The following CFAP299 variants were observed in gnomAD, a reference collection of about 807,000 sequenced individuals.
CFAP299 encodes the protein cilia- and flagella-associated protein 299.
A neutral mutation model predicts 27.0 loss-of-function variants in CFAP299; 21 were observed. That is an observed-to-expected ratio of 0.78 (90% CI 0.55 to 1.12). The LOEUF (loss-of-function observed/expected upper bound fraction) is 1.12, where lower values mean the gene tolerates loss of function less well. Among genes scored for constraint, CFAP299 ranks in the 50% most tolerant of loss-of-function variants. The pLI is 0.00. For synonymous variants in CFAP299, 104 were observed against 98.1 expected (o/e 1.06, Z -0.36); for missense variants, 310 against 276.6 (o/e 1.12, Z -0.86).
At chr4:80,888,064 G>A (rs1734059755) in intron 4 of CFAP299, among the ~76,000 whole-genome samples, 1 of 151,880 alleles carries the variant, frequency 6.6e-6, no homozygotes, top group African/African-American at 2.4e-5. Flanking sequence ...AGGAAGCAAG[G>A]AAAGAAGAAA....
At chr4:80,681,559 C>T (rs1285974665) in intron 3 of CFAP299, among the ~76,000 whole-genome samples, 2 of 152,126 alleles carry the variant, frequency 1.3e-5, no homozygotes, top group Non-Finnish European at 2.9e-5. Context: ...CCAGAATTAG[C>T]TACCCACTTC....
intron 4 of CFAP299, among the ~76,000 whole-genome samples, chr4:80,900,795 A>G (rs947619921): frequency 1.3e-5 from 2 of 151,992 alleles, no homozygotes; most frequent in Admixed American, 1.3e-4. Context: ...TTTGAAATCA[A>G]TCAAAATTTT....
intron 3 of CFAP299, among the ~76,000 whole-genome samples, chr4:80,746,667 G>A (rs564527881): frequency 1.3e-5 from 2 of 152,056 alleles, no homozygotes; most frequent in Admixed American, 6.6e-5. Context: ...AGCAACTGAC[G>A]ATAAAAATGG....
chr4:80,668,104 G>T (rs1458147387), intron 3 of CFAP299, among the ~76,000 whole-genome samples: 2 of 151,318 alleles, frequency 1.3e-5, no homozygotes, highest in South Asian at 2.1e-4. Context: ...TTGGCCCTCT[G>T]TATTTCGTCT....
intron 3 of CFAP299, among the ~76,000 whole-genome samples, chr4:80,630,941 C>T (rs1306251740): frequency 6.6e-6 from 1 of 151,946 alleles, no homozygotes; most frequent in Non-Finnish European, 1.5e-5. Context: ...CACCAATTTC[C>T]ACTAATGACA....
chr4:80,480,941 T>A (rs953948739), intron 2 of CFAP299, among the ~76,000 whole-genome samples: 2 of 152,016 alleles, frequency 1.3e-5, no homozygotes, highest in African/African-American at 4.8e-5. Flanking sequence ...GTAACTAATA[T>A]CCAAAAAGGT....
At position 80,801,575 on chromosome 4, in the gene CFAP299, T is replaced by A. The variant is rs185678612; in HGVS notation, c.334-68418T>A. Reference sequence around the variant, plus strand: ...AAAGTATTTGATCAAATCAGTTTTATGAATTATTAAATCAGAATATTCTGC... The same window carrying A: ...AAAGTATTTGATCAAATCAGTTTTAAGAATTATTAAATCAGAATATTCTGC... On this transcript the variant is annotated intron_variant, in intron 3 of 5. Coordinates refer to ENST00000358105, the MANE Select transcript of CFAP299 (RefSeq NM_152770.3). Among the ~76,000 whole-genome samples, 382 of 151,596 alleles carry A rather than the reference T, an allele frequency of 2.5e-3. 1 individual carries two copies. Among genetic ancestry groups the A allele is most frequent in the African/African-American group, 8.8e-3 (361 of 41,134 alleles).
chr4:80,413,229 A>T (rs1726818722), intron 2 of CFAP299, among the ~76,000 whole-genome samples: 1 of 152,056 alleles, frequency 6.6e-6, no homozygotes, highest in Non-Finnish European at 1.5e-5. Flanking sequence ...GTAGAGCCAG[A>T]CGTTGCTGTC....
chr4:80,693,951 A>T (rs889628358), intron 3 of CFAP299, among the ~76,000 whole-genome samples: 1 of 152,172 alleles, frequency 6.6e-6, no homozygotes, highest in Non-Finnish European at 1.5e-5. Context: ...GACTTTCATA[A>T]AAAGCCAAAT....
chr4:80,646,809 A>G (rs1740031724), intron 3 of CFAP299, among the ~76,000 whole-genome samples: 1 of 152,114 alleles, frequency 6.6e-6, no homozygotes, highest in Non-Finnish European at 1.5e-5. Flanking sequence ...CTAAAGATAA[A>G]CCATATTTAG....
intron 5 of CFAP299, among the ~76,000 whole-genome samples, chr4:80,960,768 A>G (rs1368815010): frequency 6.6e-6 from 1 of 151,892 alleles, no homozygotes; most frequent in Non-Finnish European, 1.5e-5. Flanking sequence ...CTGATAATTA[A>G]GAATTGCCAA....
intron 3 of CFAP299, among the ~76,000 whole-genome samples, chr4:80,852,157 C>G (rs1438207737): frequency 6.6e-6 from 1 of 152,126 alleles, no homozygotes; most frequent in Non-Finnish European, 1.5e-5. Context: ...TCTCTTTATT[C>G]TTTCTTGCCC....
intron 2 of CFAP299, among the ~76,000 whole-genome samples, chr4:80,416,171 G>T (rs558663108): frequency 6.6e-6 from 1 of 152,292 alleles, no homozygotes; most frequent in Admixed American, 6.5e-5. Context: ...TGGAAATCTG[G>T]CACTGGGGTT....
chr4:80,398,553 G>C (rs1370132809), intron 2 of CFAP299, among the ~76,000 whole-genome samples: 2 of 152,146 alleles, frequency 1.3e-5, no homozygotes, highest in Admixed American at 1.3e-4. Flanking sequence ...ACAACCATCT[G>C]ATCTTTGACA....
intron 2 of CFAP299, among the ~76,000 whole-genome samples, chr4:80,490,208 A>T (rs1394089983): frequency 1.3e-5 from 2 of 152,138 alleles, no homozygotes; most frequent in Admixed American, 1.3e-4. Context: ...ACCAATTCTC[A>T]AGTGGTTTTT....
At chr4:80,525,003 C>T (rs1255256421) in intron 2 of CFAP299, among the ~76,000 whole-genome samples, 1 of 152,090 alleles carries the variant, frequency 6.6e-6, no homozygotes, top group Non-Finnish European at 1.5e-5. Flanking sequence ...TGGCTTTTTG[C>T]TGGCTGTTAG....
At chr4:80,459,910 C>T (rs1729354115) in intron 2 of CFAP299, among the ~76,000 whole-genome samples, 1 of 151,958 alleles carries the variant, frequency 6.6e-6, no homozygotes, top group Non-Finnish European at 1.5e-5. Context: ...AATCAGCTGA[C>T]AAAAGGCAGG....
chr4:80,572,153 G>A (rs1039137646), intron 2 of CFAP299, among the ~76,000 whole-genome samples: 3 of 152,038 alleles, frequency 2.0e-5, no homozygotes, highest in African/African-American at 7.2e-5. Flanking sequence ...ATCACCTCAA[G>A]CATTTATCCT....
chr4:80,409,624 T>C (rs1726609120), intron 2 of CFAP299, among the ~76,000 whole-genome samples: 1 of 152,220 alleles, frequency 6.6e-6, no homozygotes, highest in Admixed American at 6.5e-5. Context: ...TGGATTTTTA[T>C]TTCGTTTTCA....
Sources: gnomAD v4.1 joint callset for allele counts (sites outside exome capture counted in the v4.1 genomes callset) on GRCh38, gnomAD v4.1.1 for gene constraint, MANE v1.5 for transcripts, NCBI Gene and HGNC (gene_info 2026-07-23, HGNC 2026-07-21) for gene names.